Variants in ZFYVE9 observed in about 807,000 individuals in gnomAD.
ZFYVE9 encodes the protein zinc finger FYVE domain-containing protein 9.
A neutral mutation model predicts 126.7 loss-of-function variants in ZFYVE9; 43 were observed. The ratio of observed to expected loss-of-function variants is 0.34; its 90% CI spans 0.27 to 0.44. ZFYVE9 has a LOEUF of 0.44. Ranked by LOEUF, ZFYVE9 falls within the 20% of genes least tolerant of loss-of-function variation. The pLI, the probability that ZFYVE9 is intolerant of heterozygous loss-of-function variation, is 1.00. For missense variants in ZFYVE9, 1,476 were observed against 1,697.0 expected (o/e 0.87, Z 2.29); for synonymous variants, 521 against 597.4 (o/e 0.87, Z 1.87).
chr1:52,257,767 T>G (rs2147790800), intron 4 of ZFYVE9, among the ~76,000 whole-genome samples: 1 of 152,364 alleles, frequency 6.6e-6, no homozygotes, highest in South Asian at 2.1e-4. Flanking sequence ...GGGGTTTCGC[T>G]CTTGTCTCCC....
intron 13 of ZFYVE9, among the ~76,000 whole-genome samples, chr1:52,311,288 G>C (rs1646134933): frequency 1.4e-5 from 2 of 142,500 alleles, no homozygotes; most frequent in African/African-American, 5.2e-5. Flanking sequence ...TTTTGAGATG[G>C]AGTTTCACTC....
chr1:52,170,434 T>C (rs1034167155), intron 1 of ZFYVE9, among the ~76,000 whole-genome samples: 1 of 152,142 alleles, frequency 6.6e-6, no homozygotes, highest in African/African-American at 2.4e-5. Flanking sequence ...ATCTTTTGTA[T>C]TGTTTTCATT....
chr1:52,324,512 T>A (rs1012019236), intron 13 of ZFYVE9, among the ~76,000 whole-genome samples: 1 of 152,252 alleles, frequency 6.6e-6, no homozygotes, highest in South Asian at 2.1e-4. Flanking sequence ...TCCTCACTTA[T>A]GCTGTTTCCT....
chr1:52,288,913 G>A (rs565187397), intron 10 of ZFYVE9, among the ~76,000 whole-genome samples: 135 of 124,494 alleles, frequency 1.1e-3, no homozygotes, highest in Non-Finnish European at 1.9e-3. Flanking sequence ...GTGACAGAGC[G>A]AGACTCTGTC....
chr1:52,282,064 T>C (rs1484545837), intron 10 of ZFYVE9, among the ~76,000 whole-genome samples: 1 of 152,186 alleles, frequency 6.6e-6, no homozygotes, highest in African/African-American at 2.4e-5. Flanking sequence ...GTAAGAATAT[T>C]TTCTTTTTAG....
intron 15 of ZFYVE9, among the ~76,000 whole-genome samples, chr1:52,336,360 T>TTTG (rs1646388845): frequency 2.2e-5 from 2 of 91,138 alleles, no homozygotes; most frequent in African/African-American, 1.0e-4. Flanking sequence ...ATCTAAGAGG[T>TTTG]TTTTTTTGTT....
At chr1:52,299,818 A>G (rs945538056) in intron 12 of ZFYVE9, among the ~76,000 whole-genome samples, 2 of 152,222 alleles carry the variant, frequency 1.3e-5, no homozygotes, top group Admixed American at 6.5e-5. Flanking sequence ...GAACTCTAGC[A>G]GTGGGTCCAG....
At chr1:52,318,366 TTGTATGTGTG>T (rs759957334) in intron 13 of ZFYVE9, among the ~76,000 whole-genome samples, 74 of 84,006 alleles carry the variant, frequency 8.8e-4, no homozygotes, top group East Asian at 4.2e-3. Flanking sequence ...GAGAGCATGA[TTGTATGTGTG>T]TGTGTGTGTG....
intron 4 of ZFYVE9, among the ~76,000 whole-genome samples, chr1:52,250,894 G>A (rs2124646259): frequency 6.6e-6 from 1 of 151,784 alleles, no homozygotes; most frequent in South Asian, 2.1e-4. Flanking sequence ...TTTATTTTTA[G>A]TAGACATGAG....
At chr1:52,251,007 T>A (rs573918294) in intron 4 of ZFYVE9, among the ~76,000 whole-genome samples, 17 of 152,092 alleles carry the variant, frequency 1.1e-4, no homozygotes, top group African/African-American at 3.6e-4. Flanking sequence ...TCACCATGCT[T>A]GGCCAGTTTT....
At chr1:52,337,746 T>A in intron 15 of ZFYVE9, 26 bp from the exon 16 acceptor site, 1 of 1,601,770 alleles carries the variant, frequency 6.2e-7, no homozygotes, top group East Asian at 2.2e-5. Context: ...CATTTGCCTC[T>A]CCTTTGGCTT....
chr1:52,287,139 G>A (rs910970077), intron 10 of ZFYVE9, among the ~76,000 whole-genome samples: 1 of 151,826 alleles, frequency 6.6e-6, no homozygotes, highest in African/African-American at 2.4e-5. Flanking sequence ...GCCCGGGCCG[G>A]AGTGCAGTGT....
chr1:52,326,723 C>T (rs1646295472), intron 13 of ZFYVE9, among the ~76,000 whole-genome samples: 2 of 143,612 alleles, frequency 1.4e-5, no homozygotes, highest in Admixed American at 7.1e-5. Context: ...AATAGCTGGA[C>T]ATGGTGGCAC....
At chr1:52,256,294 C>G (rs556531013) in intron 4 of ZFYVE9, among the ~76,000 whole-genome samples, 2 of 151,770 alleles carry the variant, frequency 1.3e-5, no homozygotes, top group South Asian at 2.1e-4. Context: ...GTCTTGAACT[C>G]CTGACCTTGT....
At position 52,239,384 on chromosome 1, in the gene ZFYVE9, T is replaced by G; in HGVS notation, c.1967T>G (p.Ile656Ser). ...CATTTAGAAAGTTATGAGGCTGAGA[T>G]CTCCACTAGACCATGCCTTGCATTA... Reference protein sequence around the residue: ...GEHLESYEAEISTRPCLALAP... With the variant: ...GEHLESYEAESSTRPCLALAP... Residue 656 changes from isoleucine (I) to serine (S), a missense_variant, in exon 4 of 19, where the codon ATC becomes AGC. Ile to Ser is a moderately radical substitution (Grantham distance 142, BLOSUM62 -2). Transcript: ENST00000287727. The G allele has an allele frequency of 6.2e-7, 1 of 1,614,210 alleles. No homozygotes were observed. The highest frequency in any genetic ancestry group is 8.5e-7 in the Non-Finnish European group (1 of 1,180,028).
At position 52,346,271 on chromosome 1, in the gene ZFYVE9, A is replaced by G. The variant is rs1646483256; in HGVS notation, c.*50A>G. On this transcript the variant is annotated 3_prime_UTR_variant, in exon 19 of 19. Transcript: ENST00000287727. ...GTTCAGACTTGTTGCAACAGCAGTC[A>G]TACCCAAATCATTTGCACTTTAAAA... The G allele has an allele frequency of 6.8e-7, 1 of 1,480,774 alleles. No homozygotes were observed. The highest frequency in any genetic ancestry group is 9.1e-7 in the Non-Finnish European group (1 of 1,103,844). 91.7% of individuals were successfully genotyped at this position (1,480,774 alleles called of 1,614,324 possible).
intron 1 of ZFYVE9, among the ~76,000 whole-genome samples, chr1:52,179,477 T>C (rs1644675331): frequency 1.3e-5 from 2 of 152,132 alleles, no homozygotes; most frequent in Non-Finnish European, 2.9e-5. Flanking sequence ...CTACTAAAAA[T>C]ACAAAAATTA....
chr1:52,218,981 A>T (rs75220411), intron 2 of ZFYVE9, among the ~76,000 whole-genome samples: 1 of 152,054 alleles, frequency 6.6e-6, no homozygotes, highest in Admixed American at 6.5e-5. Context: ...GGTTTTGGCA[A>T]TTTGAGGGGG....
rs574641111 is a variant in ZFYVE9 at position 52,284,666 on chromosome 1, G to A, written c.3025+2850G>A. ...GATTTCCTGACTTCGTGATCCGCCC[G>A]CCTCGGCCTCCGAAAGTGCTGGGAT... On this transcript the variant is annotated intron_variant, in intron 10 of 18. Coordinates refer to ENST00000287727, the MANE Select transcript of ZFYVE9 (RefSeq NM_004799.4). 5.1e-4 allele frequency among the ~76,000 whole-genome samples: 77 copies of A among 152,180 alleles called. No homozygotes were observed. In the Middle Eastern group the frequency reaches 0.01, roughly 20 times the overall value.
Sources: allele counts gnomAD v4.1 joint callset (sites outside exome capture counted in the v4.1 genomes callset), GRCh38; gene constraint gnomAD v4.1.1; transcripts MANE v1.5; gene names NCBI Gene and HGNC (gene_info 2026-07-23, HGNC 2026-07-21).